TMEM132C: variants seen among roughly 807,000 people sequenced by gnomAD.
TMEM132C encodes the protein transmembrane protein 132C, also known as protein phosphatase 1, regulatory subunit 152.
Under a neutral mutation model 61.4 loss-of-function variants are expected in TMEM132C, and 29 were observed. The observed-to-expected ratio is 0.47, with a 90% CI of 0.35 to 0.64. The LOEUF is 0.64. TMEM132C is among the 30% of genes least tolerant of loss of function. TMEM132C has a pLI of 0.00. For missense variants in TMEM132C, 1,408 were observed against 1,476.9 expected (o/e 0.95, Z 0.76); for synonymous variants, 656 against 633.1 (o/e 1.04, Z -0.54).
rs1360003314 is a variant in TMEM132C, at chr12:128,706,297, C to T, written c.*2C>T. 2 of 1,515,098 alleles carry T rather than the reference C, an allele frequency of 1.3e-6. No individual in the cohort carries two copies. Among genetic ancestry groups the T allele is most frequent in the Admixed American group, 2.1e-5 (1 of 46,834 alleles). The allele number at this position is 1,515,098 out of a possible 1,614,324, so 93.9% of individuals were successfully genotyped here. ...GAGAAACTCAAAGATAAGGCTTAGG[C>T]CCCTCTAGCCAAAGGGCCCTGCCCA... On this transcript the variant is annotated 3_prime_UTR_variant, in exon 9 of 9. Coordinates refer to ENST00000435159, the MANE Select transcript of TMEM132C (RefSeq NM_001136103.3).
intron 2 of TMEM132C, among the ~76,000 whole-genome samples, chr12:128,508,859 A>G (rs1477845231): frequency 6.6e-6 from 1 of 152,094 alleles, no homozygotes; most frequent in Non-Finnish European, 1.5e-5. Flanking sequence ...ATATCATATC[A>G]TGTCATGTCA....
chr12:128,620,439 G>A (rs1002583201), intron 4 of TMEM132C, among the ~76,000 whole-genome samples: 15 of 152,042 alleles, frequency 9.9e-5, no homozygotes, highest in Admixed American at 7.9e-4. Context: ...GTGATCAGAC[G>A]CTGCTGTCAC....
intron 1 of TMEM132C, among the ~76,000 whole-genome samples, chr12:128,392,064 T>TTCTCTCTCTCTCTCTC (rs34334973): frequency 7.7e-6 from 1 of 130,494 alleles, no homozygotes; most frequent in Non-Finnish European, 1.6e-5. Flanking sequence ...CTCTCTCTCT[T>TTCTCTCTCTCTCTCTC]TCTCTCTCTC....
At chr12:128,371,790 G>A (rs1339969169) in intron 1 of TMEM132C, among the ~76,000 whole-genome samples, 4 of 152,220 alleles carry the variant, frequency 2.6e-5, no homozygotes, top group East Asian at 1.9e-4. Flanking sequence ...TGTTGCCCAG[G>A]TTGGTCTCAA....
chr12:128,506,480 C>T (rs1872365681), intron 2 of TMEM132C, among the ~76,000 whole-genome samples: 3 of 152,176 alleles, frequency 2.0e-5, no homozygotes, highest in Non-Finnish European at 4.4e-5. Flanking sequence ...GTTTCCTCTT[C>T]TCCAAGACTT....
intron 3 of TMEM132C, among the ~76,000 whole-genome samples, chr12:128,573,748 G>A (rs985918175): frequency 6.6e-6 from 1 of 152,128 alleles, no homozygotes; most frequent in African/African-American, 2.4e-5. Context: ...GTTTCAGTTT[G>A]GGAGGATGAA....
At chr12:128,388,774 C>A (rs1874671322) in intron 1 of TMEM132C, among the ~76,000 whole-genome samples, 1 of 152,278 alleles carries the variant, frequency 6.6e-6, no homozygotes, top group African/African-American at 2.4e-5. Flanking sequence ...CTTCCCTCCA[C>A]TTCCGGGCGC....
In TMEM132C at chr12:128,267,279, G is replaced by A; in HGVS notation, c.-124G>A. 2.0e-6 allele frequency: 1 copy of A among 495,798 alleles called. No homozygotes were observed. Among genetic ancestry groups the A allele is most frequent in the Non-Finnish European group, 2.6e-6 (1 of 384,234 alleles). The allele number at this position is 495,798 out of a possible 1,614,324, so 30.7% of individuals were successfully genotyped here. ...GCAGGGGCGGGCCTCGGACAGCAGA[G>A]ACGCAGCGGGCCCGGCCGACCGGGC... On this transcript the variant is annotated 5_prime_UTR_variant, in exon 1 of 9. Transcript: ENST00000435159.
intron 1 of TMEM132C, among the ~76,000 whole-genome samples, chr12:128,396,545 C>T (rs553775614): frequency 2.6e-5 from 4 of 152,232 alleles, no homozygotes; most frequent in African/African-American, 9.6e-5. Context: ...ACATTCTGCA[C>T]ATGTATCTCA....
chr12:128,425,145 C>G (rs1485175977), intron 2 of TMEM132C, among the ~76,000 whole-genome samples: 1 of 152,074 alleles, frequency 6.6e-6, no homozygotes, highest in Non-Finnish European at 1.5e-5. Context: ...CCACCATAAT[C>G]TCCATTAGCC....
intron 1 of TMEM132C, among the ~76,000 whole-genome samples, chr12:128,291,949 G>C (rs1005761032): frequency 6.6e-6 from 1 of 152,180 alleles, no homozygotes; most frequent in Admixed American, 6.5e-5. Flanking sequence ...TGCGCACTGT[G>C]TCCTGGTTTG....
chr12:128,280,479 T>C (rs1870855109), intron 1 of TMEM132C, among the ~76,000 whole-genome samples: 1 of 152,166 alleles, frequency 6.6e-6, no homozygotes, highest in South Asian at 2.1e-4. Context: ...TCATAAATAG[T>C]GAAAAGCATC....
intron 1 of TMEM132C, among the ~76,000 whole-genome samples, chr12:128,361,011 C>T (rs926768711): frequency 2.0e-5 from 3 of 152,188 alleles, no homozygotes; most frequent in African/African-American, 7.2e-5. Flanking sequence ...CTTAGCATTG[C>T]TTAAGGCATT....
In TMEM132C at chr12:128,705,080, G is replaced by C; in HGVS notation, c.2122-10G>C. 6.6e-7 allele frequency: 1 copy of C among 1,514,358 alleles called. No homozygotes were observed. Among genetic ancestry groups the C allele is most frequent in the Non-Finnish European group, 8.9e-7 (1 of 1,122,730 alleles). The allele number at this position is 1,514,358 out of a possible 1,614,324, so 93.8% of individuals were successfully genotyped here. ...CCCAGGTGGTCTTCTAACTGCCTGT[G>C]TCCCTGCAGGAGGCTGTATTCAGCA... On this transcript the variant is annotated splice_polypyrimidine_tract_variant and intron_variant, in intron 8 of 8. Transcript: ENST00000435159.
At chr12:128,651,716 G>C (rs141642338) in intron 4 of TMEM132C, among the ~76,000 whole-genome samples, 1 of 152,090 alleles carries the variant, frequency 6.6e-6, no homozygotes, top group Non-Finnish European at 1.5e-5. Flanking sequence ...GAATGGGAAT[G>C]GGGGGTGAAG....
At chr12:128,696,840 T>C (rs978529944) in intron 7 of TMEM132C, among the ~76,000 whole-genome samples, 1 of 152,212 alleles carries the variant, frequency 6.6e-6, no homozygotes, top group Non-Finnish European at 1.5e-5. Context: ...GAGTGAACTA[T>C]TTATAATTCA....
At chr12:128,474,503 T>TAG (rs1337709698) in intron 2 of TMEM132C, among the ~76,000 whole-genome samples, 9 of 152,192 alleles carry the variant, frequency 5.9e-5, no homozygotes, top group Non-Finnish European at 8.8e-5. Context: ...GCAGCTTCAC[T>TAG]AGAGACACAG....
chr12:128,585,664 C>A (rs891892629), intron 3 of TMEM132C, among the ~76,000 whole-genome samples: 1 of 152,174 alleles, frequency 6.6e-6, no homozygotes, highest in Non-Finnish European at 1.5e-5. Context: ...TAAGAAATAC[C>A]GCAAAGTCAA....
At chr12:128,578,905 T>A (rs1040963470) in intron 3 of TMEM132C, among the ~76,000 whole-genome samples, 1 of 152,160 alleles carries the variant, frequency 6.6e-6, no homozygotes, top group African/African-American at 2.4e-5. Flanking sequence ...GCCGAAAGTT[T>A]TTTTTTTAGT....
Sources: gnomAD v4.1 joint callset for allele counts (sites outside exome capture counted in the v4.1 genomes callset) on GRCh38, gnomAD v4.1.1 for gene constraint, MANE v1.5 for transcripts, NCBI Gene and HGNC (gene_info 2026-07-23, HGNC 2026-07-21) for gene names.